RUNX2: variants seen among roughly 807,000 people sequenced by gnomAD.
The protein encoded by RUNX2 is runt-related transcription factor 2.
RUNX2 carries 10 observed loss-of-function variants against 51.7 expected under a neutral mutation model. The ratio of observed to expected loss-of-function variants is 0.19; its 90% confidence interval spans 0.12 to 0.33. The LOEUF (loss-of-function observed/expected upper bound fraction) is 0.33, where lower values mean the gene tolerates loss of function less well. RUNX2 is among the 10% of genes least tolerant of loss of function. RUNX2 has a pLI of 1.00. For synonymous variants in RUNX2, 276 were observed against 273.6 expected (o/e 1.01, Z -0.09); for missense variants, 562 against 691.3 (o/e 0.81, Z 2.10).
chr6:45,406,579 AT>A (rs1797838349), intron 2 of RUNX2, among the ~76,000 whole-genome samples: 1 of 151,868 alleles, frequency 6.6e-6, no homozygotes, highest in Admixed American at 6.6e-5. Flanking sequence ...TAATTTTTGT[AT>A]TTTTTGGTAG....
At chr6:45,443,007 G>T (rs1410855064) in intron 5 of RUNX2, among the ~76,000 whole-genome samples, 1 of 145,794 alleles carries the variant, frequency 6.9e-6, no homozygotes, top group African/African-American at 2.5e-5. Context: ...GGCTCCCTAA[G>T]GTACAAAAGT....
intron 2 of RUNX2, among the ~76,000 whole-genome samples, chr6:45,338,724 T>A (rs949224302): frequency 3.9e-5 from 6 of 152,152 alleles, no homozygotes; most frequent in African/African-American, 1.2e-4. Flanking sequence ...TCAATTTTTT[T>A]ATAAAACATC....
At chr6:45,413,508 G>GC (rs1797999511) in intron 2 of RUNX2, among the ~76,000 whole-genome samples, 1 of 128,160 alleles carries the variant, frequency 7.8e-6, no homozygotes, top group Non-Finnish European at 1.5e-5. Context: ...TTGGCTCACT[G>GC]CAACATTTGC....
At chr6:45,489,508 C>T (rs1434259175) in intron 5 of RUNX2, among the ~76,000 whole-genome samples, 2 of 152,196 alleles carry the variant, frequency 1.3e-5, no homozygotes, top group African/African-American at 4.8e-5. Context: ...TCTTGTGACC[C>T]ATGGCCCACG....
chr6:45,540,389 G>A (rs1207450868), intron 7 of RUNX2, among the ~76,000 whole-genome samples: 1 of 152,012 alleles, frequency 6.6e-6, no homozygotes, highest in Non-Finnish European at 1.5e-5. Context: ...GAAGCTCAAG[G>A]CAGACCCTCT....
At chr6:45,516,173 G>A (rs1359628477) in intron 7 of RUNX2, among the ~76,000 whole-genome samples, 1 of 152,106 alleles carries the variant, frequency 6.6e-6, no homozygotes, top group African/African-American at 2.4e-5. Flanking sequence ...AACAAAATAA[G>A]ATAAAATGAT....
intron 6 of RUNX2, among the ~76,000 whole-genome samples, chr6:45,498,847 A>G (rs1356736870): frequency 6.6e-6 from 1 of 152,224 alleles, no homozygotes; most frequent in Non-Finnish European, 1.5e-5. Flanking sequence ...TTCAGAAATC[A>G]GAAAGCACAG....
intron 5 of RUNX2, among the ~76,000 whole-genome samples, chr6:45,478,679 A>G (rs1247067383): frequency 6.6e-6 from 1 of 151,984 alleles, no homozygotes; most frequent in African/African-American, 2.4e-5. Flanking sequence ...TGGAACTCAT[A>G]GTGACAGGTG....
chr6:45,372,995 C>CA (rs1335309937), intron 2 of RUNX2, among the ~76,000 whole-genome samples: 2 of 152,114 alleles, frequency 1.3e-5, no homozygotes, highest in Non-Finnish European at 2.9e-5. Flanking sequence ...TTTTAGTAGA[C>CA]AGAGTTTCAC....
At chr6:45,333,964 C>T (rs77600998) in intron 2 of RUNX2, among the ~76,000 whole-genome samples, 5 of 151,280 alleles carry the variant, frequency 3.3e-5, no homozygotes, top group African/African-American at 7.2e-5. Context: ...TATATACATA[C>T]GCAATTTCGA....
intron 2 of RUNX2, among the ~76,000 whole-genome samples, chr6:45,364,802 G>C (rs1334433861): frequency 1.3e-5 from 2 of 152,136 alleles, no homozygotes; most frequent in Non-Finnish European, 2.9e-5. Context: ...TATTACAAGA[G>C]TTGAGAAAAA....
In RUNX2 at chr6:45,423,212, G is replaced by C. The variant is rs11498195; in HGVS notation, c.423+255G>C. ...ACTTCAGCCCTAGTCCCCCTGACCC[G>C]TTCAGCACTCCTCATGCCTCCTGCC... is the stretch of plus-strand genomic sequence containing the variant. On this transcript the variant is annotated intron_variant, in intron 3 of 8. Transcript: ENST00000647337. Among the ~76,000 whole-genome samples the C allele has an allele frequency of 0.08, 12,133 of 152,084 alleles. 711 individuals are homozygous for C. Among genetic ancestry groups the C allele is most frequent in the South Asian group, 0.18 (878 of 4,820 alleles).
intron 7 of RUNX2, among the ~76,000 whole-genome samples, chr6:45,530,997 C>A (rs186238524): frequency 1.3e-5 from 2 of 152,270 alleles, no homozygotes; most frequent in Admixed American, 1.3e-4. Flanking sequence ...TTCATTTAAT[C>A]ATTACAACGC....
chr6:45,433,500 T>A (rs1171921534), intron 4 of RUNX2, among the ~76,000 whole-genome samples: 1 of 152,178 alleles, frequency 6.6e-6, no homozygotes, highest in Admixed American at 6.5e-5. Context: ...CTTTTTTTTT[T>A]TAACTAGAGT....
At chr6:45,331,632 C>T (rs1200211755) in intron 2 of RUNX2, among the ~76,000 whole-genome samples, 1 of 151,788 alleles carries the variant, frequency 6.6e-6, no homozygotes, top group South Asian at 2.1e-4. Context: ...TTTTACATTA[C>T]AAACTGTTAA....
intron 3 of RUNX2, among the ~76,000 whole-genome samples, chr6:45,428,533 T>C (rs542306049): frequency 4.8e-4 from 73 of 152,258 alleles, no homozygotes; most frequent in Admixed American, 3.3e-3. Flanking sequence ...TACCTTGCAT[T>C]AGCATTTTTT....
intron 2 of RUNX2, among the ~76,000 whole-genome samples, chr6:45,335,137 A>G (rs1018905487): frequency 6.6e-6 from 1 of 151,238 alleles, no homozygotes; most frequent in African/African-American, 2.4e-5. Context: ...AAACAATTTA[A>G]GCATTGAATT....
In RUNX2 at chr6:45,544,589, G is replaced by A. The variant is rs73448199; in HGVS notation, c.1022-628G>A. Among the ~76,000 whole-genome samples, 590 of 152,294 alleles carry A rather than the reference G, an allele frequency of 3.9e-3. 4 individuals carry two copies. Among genetic ancestry groups the A allele is most frequent in the African/African-American group, 0.014 (569 of 41,556 alleles). ...CTCCATACTTCTGCAGGGGGCACAC[G>A]TTGGCGTTTTAAGTGCGACTTCTTT... is the stretch of plus-strand genomic sequence containing the variant. On this transcript the variant is annotated intron_variant, in intron 7 of 8. Coordinates refer to ENST00000647337, the MANE Select transcript of RUNX2 (RefSeq NM_001024630.4).
chr6:45,456,933 T>C (rs1052282427), intron 5 of RUNX2, among the ~76,000 whole-genome samples: 1 of 152,210 alleles, frequency 6.6e-6, no homozygotes, highest in Admixed American at 6.5e-5. Flanking sequence ...TTGGTTAGTA[T>C]GATTCAAATC....
Sources: gnomAD v4.1 joint callset for allele counts (sites outside exome capture counted in the v4.1 genomes callset) on GRCh38, gnomAD v4.1.1 for gene constraint, MANE v1.5 for transcripts, NCBI Gene and HGNC (gene_info 2026-07-23, HGNC 2026-07-21) for gene names.